SORL1: variants seen among roughly 807,000 people sequenced by gnomAD.
SORL1 encodes sortilin related receptor 1, also known as sortilin-related receptor.
A neutral mutation model predicts 273.7 loss-of-function variants in SORL1; 127 were observed. That is an observed-to-expected ratio of 0.46 (90% CI 0.40 to 0.54). The LOEUF (loss-of-function observed/expected upper bound fraction) is 0.54, where lower values mean the gene tolerates loss of function less well. SORL1 is among the 20% of genes least tolerant of loss of function. The pLI, the probability that SORL1 is intolerant of heterozygous loss-of-function variation, is 0.00. For missense variants in SORL1, 2,494 were observed against 2,846.1 expected (o/e 0.88, Z 2.81); for synonymous variants, 1,031 against 1,067.4 (o/e 0.97, Z 0.66).
rs1213531904 is a variant in SORL1 at position 121,519,515 on chromosome 11, C to T, written c.1212-1142C>T. Among the ~76,000 whole-genome samples the T allele has an allele frequency of 6.6e-5, 10 of 152,024 alleles. No homozygotes were observed. In the South Asian group the frequency reaches 8.3e-4, roughly 13 times the overall value. ...CAAGCTCCGCGTCCCGGGTTCATGC[C>T]GTCCATATTCTCTTAAGAATATAAC... is the stretch of plus-strand genomic sequence containing the variant. On this transcript the variant is annotated intron_variant, in intron 8 of 47. Transcript: ENST00000260197.
Position 121,627,803 on chromosome 11 carries a change from G to T in SORL1, c.6577+36G>T. On this transcript the variant is annotated intron_variant, in intron 47 of 47. Transcript: ENST00000260197. This position sits in a 1 kb window ranked among gnomAD's most constrained non-coding sequence, Gnocchi z 4.9. ...CAGGGAGAGTCGGTTCTTCCTCCCAGGGCTGACCCCCACGCAGCCAATGAC... is the reference window on the plus strand; with the variant it reads ...CAGGGAGAGTCGGTTCTTCCTCCCATGGCTGACCCCCACGCAGCCAATGAC... 7 of 1,505,150 alleles carry T rather than the reference G, an allele frequency of 4.7e-6. No homozygotes were observed. Among genetic ancestry groups the T allele is most frequent in the Non-Finnish European group, 6.4e-6 (7 of 1,090,252 alleles). 93.2% of individuals were successfully genotyped at this position (1,505,150 alleles called of 1,614,324 possible).
In SORL1 at chr11:121,569,269, G is replaced by C. The variant is rs149808443; in HGVS notation, c.3224-888G>C. On this transcript the variant is annotated intron_variant, in intron 22 of 47. Coordinates refer to ENST00000260197, the MANE Select transcript of SORL1 (RefSeq NM_003105.6). ...GATTGCATTAACTGCACAAATTGTA[G>C]AGCATGTGTGTTTGAACAATATGAA... Among the ~76,000 whole-genome samples the C allele has an allele frequency of 7.3e-3, 1,109 of 152,268 alleles. 11 individuals are homozygous for C. Among genetic ancestry groups the C allele is most frequent in the African/African-American group, 0.025 (1,053 of 41,540 alleles).
intron 21 of SORL1, among the ~76,000 whole-genome samples, chr11:121,561,423 G>A (rs1052832340): frequency 4.6e-5 from 7 of 152,168 alleles, no homozygotes; most frequent in African/African-American, 1.7e-4. Context: ...CTCACCTTAG[G>A]TGTAGTTTCC....
rs753259078 is a variant in SORL1 at position 121,627,623 on chromosome 11, T to C, written c.6433T>C (p.Phe2145Leu). The part of the protein sequence containing the change: ...DVAAVVVPIL[F>L]LILLSLGVGF... ...TGCTGCTGTGGTGGTGCCCATCTTA[T>C]TCCTGATACTGCTGAGCCTGGGGGT... is the stretch of plus-strand genomic sequence containing the variant. The change falls in exon 47 of 48, where the codon TTC becomes CTC. Residue 2145 changes from phenylalanine to leucine, a missense_variant. Transcript: ENST00000260197. The surrounding 1 kb of genome is among the most constrained non-coding windows in gnomAD (Gnocchi z 4.9). The C allele has an allele frequency of 6.2e-7, 1 of 1,614,218 alleles. No individual in the cohort carries two copies. Among genetic ancestry groups the C allele is most frequent in the South Asian group, 1.1e-5 (1 of 91,086 alleles).
At chr11:121,545,178 G>A (rs1862407024) in intron 13 of SORL1, 65 bp from the exon 14 acceptor site, 1 of 1,502,840 alleles carries the variant, frequency 6.7e-7, no homozygotes, top group Non-Finnish European at 9.2e-7. Flanking sequence ...GGCACCTTGA[G>A]GCATAGCAGG....
At chr11:121,610,889 AC>A (rs1324371187) in intron 38 of SORL1, 186 bp from the exon 39 acceptor site, 1 of 541,326 alleles carries the variant, frequency 1.8e-6, no homozygotes, top group African/African-American at 1.9e-5. Context: ...TCACCAAGCA[AC>A]TGTGGACCAA....
Position 121,619,813 on chromosome 11 carries a change from C to T in SORL1, c.5785C>T (p.Pro1929Ser). Reference protein sequence around the residue: ...SSDYVVVKMIPDSRLPPRHLH... With the variant: ...SSDYVVVKMISDSRLPPRHLH... The stretch of plus-strand genomic sequence containing the variant: ...TGACTACGTTGTAGTGAAGATGATC[C>T]CGGACAGCAGGCTTCCACCCCGTCA... Residue 1929 changes from proline to serine, a missense_variant, in exon 43 of 48, where the codon CCG becomes TCG. Physicochemically the swap from Pro to Ser is moderately conservative, Grantham distance 74. This residue lies in a region of SORL1 where 1,609 missense variants were observed against 1,816.4 expected (regional missense o/e 0.89). Coordinates refer to ENST00000260197, the MANE Select transcript of SORL1 (RefSeq NM_003105.6). 6.2e-7 allele frequency: 1 copy of T among 1,614,050 alleles called. No individual in the cohort carries two copies. The highest frequency in any genetic ancestry group is 1.3e-5 in the African/African-American group (1 of 75,032).
chr11:121,611,046 T>C, intron 38 of SORL1, 30 bp from the exon 39 acceptor site: 1 of 1,515,532 alleles, frequency 6.6e-7, no homozygotes, highest in Non-Finnish European at 9.2e-7. Flanking sequence ...ATCACGTGGC[T>C]TCTGTTTTTG....
At chr11:121,549,353 G>T (rs1862475348) in intron 14 of SORL1, among the ~76,000 whole-genome samples, 1 of 152,046 alleles carries the variant, frequency 6.6e-6, no homozygotes, top group African/African-American at 2.4e-5. Context: ...CTCCCAAGTA[G>T]CTGGGACCAC....
chr11:121,612,462 G>A (rs1395683993), intron 39 of SORL1: 2 of 276,698 alleles, frequency 7.2e-6, no homozygotes, highest in African/African-American at 2.2e-5. Context: ...ATTGGTTCTC[G>A]TCCTTTTATT....
Position 121,602,517 on chromosome 11 carries a change from A to G in SORL1, c.4520-1676A>G, listed in dbSNP as rs925051747. Among the ~76,000 whole-genome samples, 24 of 152,114 alleles carry G rather than the reference A, an allele frequency of 1.6e-4. 1 individual carries two copies. Among genetic ancestry groups the G allele is most frequent in the African/African-American group, 5.8e-4 (24 of 41,410 alleles). ...CTAGGAAAATATCCCTGGATCCTTT[A>G]TCCATTCCTCTTGACCATCCTGGTT... On this transcript the variant is annotated intron_variant, in intron 32 of 47. Coordinates refer to ENST00000260197, the MANE Select transcript of SORL1 (RefSeq NM_003105.6).
chr11:121,504,546 C>T (rs1861760087), intron 6 of SORL1, among the ~76,000 whole-genome samples: 1 of 152,092 alleles, frequency 6.6e-6, no homozygotes, highest in South Asian at 2.1e-4. Flanking sequence ...TATTCTACAA[C>T]CTTGCTGAAC....
Position 121,615,006 on chromosome 11 carries a change from C to T in SORL1, c.5555C>T (p.Ala1852Val), listed in dbSNP as rs1432909980. Reference protein sequence around the residue: ...RPPAPSLKAKAINQTAVECTW... With the variant: ...RPPAPSLKAKVINQTAVECTW... The stretch of plus-strand genomic sequence containing the variant: ...CCTGCACCTAGCCTCAAGGCCAAAG[C>T]CATCAACCAGACTGCAGTGGAATGT... Residue 1852 changes from alanine to valine, a missense_variant, in exon 41 of 48, where the codon GCC (alanine) becomes GTC (valine). Transcript: ENST00000260197. 1.2e-6 allele frequency: 2 copies of T among 1,612,642 alleles called. No individual in the cohort carries two copies. The highest frequency in any genetic ancestry group is 1.7e-4 in the Middle Eastern group (1 of 6,052).
intron 1 of SORL1, among the ~76,000 whole-genome samples, chr11:121,454,186 G>A (rs780933300): frequency 2.0e-5 from 3 of 152,240 alleles, no homozygotes; most frequent in Non-Finnish European, 4.4e-5. Flanking sequence ...ATGGAGGGTG[G>A]GAGAAGGAGG....
At chr11:121,522,763 T>G in intron 10 of SORL1, 60 bp downstream of exon 10, 3 of 1,441,210 alleles carry the variant, frequency 2.1e-6, no homozygotes, top group Non-Finnish European at 2.0e-6. Flanking sequence ...GCAGGCCAAA[T>G]GCAGAGCGAT....
chr11:121,519,446 C>T (rs1007544315), intron 8 of SORL1, among the ~76,000 whole-genome samples: 4 of 150,108 alleles, frequency 2.7e-5, no homozygotes, highest in East Asian at 2.0e-4. Context: ...CTCGCTCTGT[C>T]GCCCAGGCTG....
chr11:121,603,578 A>G (rs1437015868), intron 32 of SORL1, among the ~76,000 whole-genome samples: 1 of 152,212 alleles, frequency 6.6e-6, no homozygotes, highest in Admixed American at 6.5e-5. Flanking sequence ...TTAACTTACC[A>G]GTGCTCATTA....
chr11:121,497,271 C>T (rs575252928), intron 6 of SORL1, among the ~76,000 whole-genome samples: 3 of 152,276 alleles, frequency 2.0e-5, no homozygotes, highest in African/African-American at 7.2e-5. Context: ...GACAAACACT[C>T]AAAGTGGCTC....
chr11:121,564,744 AT>A (rs56704272), intron 21 of SORL1, among the ~76,000 whole-genome samples: 8 of 147,252 alleles, frequency 5.4e-5, no homozygotes, highest in Admixed American at 6.8e-5. Flanking sequence ...AATTTTGCTT[AT>A]TTTTTTTTTG....
Sources: allele counts gnomAD v4.1 joint callset (sites outside exome capture counted in the v4.1 genomes callset), GRCh38; gene constraint gnomAD v4.1.1; regional missense constraint gnomAD v4.1.1; non-coding constraint Gnocchi (gnomAD v3.1); transcripts MANE v1.5; gene names NCBI Gene and HGNC (gene_info 2026-07-23, HGNC 2026-07-21).